CABP1: variants seen among roughly 807,000 people sequenced by gnomAD.
CABP1 encodes the protein calcium binding protein 1.
In CABP1, 17 loss-of-function variants were observed where a neutral mutation model predicts 34.3. The ratio of observed to expected loss-of-function variants is 0.50; its 90% confidence interval spans 0.34 to 0.74. The LOEUF is 0.74. Ranked by LOEUF, CABP1 falls within the 30% of genes least tolerant of loss-of-function variation. The pLI is 0.01. For synonymous variants in CABP1, 198 were observed against 229.2 expected (o/e 0.86, Z 1.23); for missense variants, 373 against 511.1 (o/e 0.73, Z 2.61).
At chr12:120,656,054 C>A (rs565809078) in intron 1 of CABP1, 3 of 1,613,448 alleles carry the variant, frequency 1.9e-6, no homozygotes, top group Non-Finnish European at 2.5e-6. Flanking sequence ...GGAGGTGACA[C>A]CCTGCCTCTC....
Position 120,641,590 on chromosome 12 carries a change from G to A in CABP1, c.654+251G>A. Reference sequence around the variant, plus strand: ...CTCCCCGCTAGCCTCCCTCATACCCGCCAGAACCCGCCAGTCCTGGAAGAG... The same window carrying A: ...CTCCCCGCTAGCCTCCCTCATACCCACCAGAACCCGCCAGTCCTGGAAGAG... On this transcript the variant is annotated intron_variant, in intron 1 of 5. Coordinates refer to ENST00000316803, the MANE Select transcript of CABP1 (RefSeq NM_001033677.2). The surrounding 1 kb of genome is among the most constrained non-coding windows in gnomAD (Gnocchi z 6.7). 2.7e-6 allele frequency: 1 copy of A among 365,890 alleles called. No homozygotes were observed. Among genetic ancestry groups the A allele is most frequent in the Non-Finnish European group, 4.8e-6 (1 of 206,570 alleles). The allele number at this position is 365,890 out of a possible 1,614,324, so 22.7% of individuals were successfully genotyped here. A position where few individuals can be genotyped will look rare whatever the true frequency, so the allele number is the denominator to read the frequency against.
intron 1 of CABP1, among the ~76,000 whole-genome samples, chr12:120,651,158 C>G (rs1436852664): frequency 7.1e-6 from 1 of 140,902 alleles, no homozygotes; most frequent in Admixed American, 7.2e-5. Flanking sequence ...TGAAGTAGAT[C>G]CCATTGCTAC....
chr12:120,659,870 T>C lies in CABP1; in HGVS notation c.655-8T>C. ...TCGCGGCTAATAGGACATGTTCTTT[T>C]GTTTCAGGATAGATCACTGCGACCA... On this transcript the variant is annotated splice_polypyrimidine_tract_variant and splice_region_variant and intron_variant, in intron 1 of 5. Transcript: ENST00000316803. The C allele has an allele frequency of 1.9e-6, 3 of 1,613,256 alleles. No homozygotes were observed. The highest frequency in any genetic ancestry group is 2.2e-5 in the East Asian group (1 of 44,870).
At chr12:120,652,612 C>G (rs1002626320) in intron 1 of CABP1, among the ~76,000 whole-genome samples, 1 of 152,158 alleles carries the variant, frequency 6.6e-6, no homozygotes, top group Admixed American at 6.5e-5. Context: ...CCCCTGCTGT[C>G]AGAAATGTTA....
intron 1 of CABP1, chr12:120,650,525 G>A (rs1879777875): frequency 5.7e-6 from 9 of 1,590,554 alleles, no homozygotes; most frequent in Admixed American, 3.5e-5. Flanking sequence ...GAGGAAGAAC[G>A]GCACAGACGG....
chr12:120,675,611 A>C, the CABP1 span, among the ~76,000 whole-genome samples: 1 of 152,234 alleles, frequency 6.6e-6, no homozygotes, highest in African/African-American at 2.4e-5. Context: ...TATTCTTCAG[A>C]GCACACATGA....
intron 1 of CABP1, among the ~76,000 whole-genome samples, chr12:120,646,358 C>T (rs1185137771): frequency 1.3e-5 from 2 of 152,174 alleles, no homozygotes; most frequent in African/African-American, 4.8e-5. Context: ...ATGAGTTTAT[C>T]CTTCTCATCC....
downstream of CABP1, among the ~76,000 whole-genome samples, chr12:120,669,993 G>GTTT (rs56720965): frequency 2.7e-5 from 4 of 150,508 alleles, no homozygotes; most frequent in African/African-American, 9.8e-5. Flanking sequence ...GCCAGGAAAC[G>GTTT]TTTTTTTTTC....
At chr12:120,675,713 A>G in the CABP1 span, among the ~76,000 whole-genome samples, 2 of 152,176 alleles carry the variant, frequency 1.3e-5, no homozygotes, top group East Asian at 1.9e-4. Context: ...TGTAAGCTCC[A>G]TGTTGGTAGA....
rs183578215 is a variant in CABP1 at position 120,650,717 on chromosome 12, G to A, written c.655-9161G>A. 148 of 1,602,920 alleles carry A rather than the reference G, an allele frequency of 9.2e-5. No individual in the cohort carries two copies. The African/African-American group carries it at 1.4e-3, about 15-fold the overall frequency. ...TGGAGTTTCCAAGATCTGGGGCTGG[G>A]GATTGGGGGTATCTCACCATCTGTC... On this transcript the variant is annotated intron_variant, in intron 1 of 5. Coordinates refer to ENST00000316803, the MANE Select transcript of CABP1 (RefSeq NM_001033677.2).
chr12:120,653,488 A>G (rs1326795161), intron 1 of CABP1, among the ~76,000 whole-genome samples: 1 of 152,224 alleles, frequency 6.6e-6, no homozygotes, highest in Non-Finnish European at 1.5e-5. Context: ...GCCCAAAGCC[A>G]GCAGGCTAAA....
At chr12:120,667,964 T>A (rs980497124), downstream of CABP1, among the ~76,000 whole-genome samples, 1 of 152,190 alleles carries the variant, frequency 6.6e-6, no homozygotes, top group Non-Finnish European at 1.5e-5. Context: ...AGAGTCTGTA[T>A]CACTTCTGAC....
At chr12:120,677,545 C>T in the CABP1 span, among the ~76,000 whole-genome samples, 23 of 151,980 alleles carry the variant, frequency 1.5e-4, no homozygotes, top group African/African-American at 4.8e-4. Flanking sequence ...TACTGGCATG[C>T]GCCACAATGC....
intron 1 of CABP1, chr12:120,656,096 T>G: frequency 3.7e-6 from 6 of 1,614,138 alleles, no homozygotes; most frequent in Non-Finnish European, 5.1e-6. Flanking sequence ...GCTGAAGATG[T>G]GCCAGGAGGA....
intron 1 of CABP1, among the ~76,000 whole-genome samples, chr12:120,647,735 C>G (rs1230342424): frequency 8.1e-6 from 1 of 123,966 alleles, no homozygotes; most frequent in Non-Finnish European, 1.7e-5. Flanking sequence ...GCCCAGCTAA[C>G]TTTTGTATTT....
the CABP1 span, among the ~76,000 whole-genome samples, chr12:120,673,749 A>C: frequency 6.6e-6 from 1 of 152,168 alleles, no homozygotes; most frequent in African/African-American, 2.4e-5. Flanking sequence ...AGATGATGTT[A>C]TAGGGAGGCA....
rs1879354875 is a variant in CABP1, at chr12:120,641,989, G to A, written c.654+650G>A. On this transcript the variant is annotated intron_variant, in intron 1 of 5. Coordinates refer to ENST00000316803, the MANE Select transcript of CABP1 (RefSeq NM_001033677.2). This position sits in a 1 kb window ranked among gnomAD's most constrained non-coding sequence, Gnocchi z 6.7. ...GGGATGCCATTGGAAGGGTGAGAAA[G>A]GCCACAAAGAGGTCATCAGTGGTTC... is the stretch of plus-strand genomic sequence containing the variant. Among the ~76,000 whole-genome samples the A allele has an allele frequency of 6.6e-6, 1 of 152,142 alleles. No individual in the cohort carries two copies. Among genetic ancestry groups the A allele is most frequent in the Admixed American group, 6.5e-5 (1 of 15,278 alleles).
In CABP1 at chr12:120,641,557, G is replaced by A. The variant is rs1879324492; in HGVS notation, c.654+218G>A. On this transcript the variant is annotated intron_variant, in intron 1 of 5. Coordinates refer to ENST00000316803, the MANE Select transcript of CABP1 (RefSeq NM_001033677.2). This position sits in a 1 kb window ranked among gnomAD's most constrained non-coding sequence, Gnocchi z 6.7. ...CTGTCCACGCTCCGGGCCTCTTGGG[G>A]CAAGGCCCTCCCCGCTAGCCTCCCT... 2.3e-6 allele frequency: 1 copy of A among 428,710 alleles called. No individual in the cohort carries two copies. The highest frequency in any genetic ancestry group is 3.9e-6 in the Non-Finnish European group (1 of 257,630). The allele number at this position is 428,710 out of a possible 1,614,324, so 26.6% of individuals were successfully genotyped here.
chr12:120,648,680 A>G (rs1879661971), intron 1 of CABP1, among the ~76,000 whole-genome samples: 2 of 152,060 alleles, frequency 1.3e-5, no homozygotes, highest in African/African-American at 4.8e-5. Context: ...CAGGAGTTCA[A>G]GAGTAGCCTG....
Sources: gnomAD v4.1 joint callset for allele counts (sites outside exome capture counted in the v4.1 genomes callset) on GRCh38, gnomAD v4.1.1 for gene constraint, Gnocchi (gnomAD v3.1) non-coding constraint, MANE v1.5 for transcripts, NCBI Gene and HGNC (gene_info 2026-07-23, HGNC 2026-07-21) for gene names.